The following SIKE1 variants were observed in gnomAD, a reference collection of about 807,000 sequenced individuals.
The protein encoded by SIKE1 is suppressor of IKBKE 1.
In SIKE1, 13 loss-of-function variants were observed where a neutral mutation model predicts 25.8. That is an observed-to-expected ratio of 0.50 (90% CI 0.33 to 0.80). The LOEUF (loss-of-function observed/expected upper bound fraction) is 0.80, where lower values mean the gene tolerates loss of function less well. Ranked by LOEUF, SIKE1 falls within the 30% of genes least tolerant of loss-of-function variation. The pLI, the probability that SIKE1 is intolerant of heterozygous loss-of-function variation, is 0.02. For synonymous variants in SIKE1, 86 were observed against 95.5 expected (o/e 0.90, Z 0.58); for missense variants, 222 against 252.4 (o/e 0.88, Z 0.82).
In SIKE1 at chr1:114,776,349, T is replaced by C. The variant is rs763349867; in HGVS notation, c.519A>G (p.Leu173=). ...FCKIQEKLAQ[L]ELENKELREL... ...CCTAAATTAGCTACAATCTTACCTCTAATTGGGCTAATTTTTCCTGAATCT... is the reference window on the plus strand; with the variant it reads ...CCTAAATTAGCTACAATCTTACCTCCAATTGGGCTAATTTTTCCTGAATCT... Residue 173 remains leucine (L), a synonymous_variant, in exon 4 of 5, where the codon TTA becomes TTG. Transcript: ENST00000060969. 1 of 1,595,214 alleles carries C rather than the reference T, an allele frequency of 6.3e-7. No individual in the cohort carries two copies. Among genetic ancestry groups the C allele is most frequent in the Non-Finnish European group, 8.6e-7 (1 of 1,162,956 alleles).
Position 114,779,235 on chromosome 1 carries a change from CATG to C in SIKE1, c.312_314del (p.Ile104del). ...GTAACATCTGTTTCCGATATTTGCT[CATG>C]ATAAGTTCCAAAGCATCCTGGTGTT... On this transcript the variant is annotated inframe_deletion, in exon 3 of 5. Transcript: ENST00000060969. 4 of 1,614,208 alleles carry C rather than the reference CATG, an allele frequency of 2.5e-6. No homozygotes were observed. The highest frequency in any genetic ancestry group is 3.4e-6 in the Non-Finnish European group (4 of 1,180,040).
rs1662079211 is a variant in SIKE1, at chr1:114,771,859, G to A, written c.*2412C>T. 1 of 152,038 alleles carries A rather than the reference G, an allele frequency of 6.6e-6. No homozygotes were observed. The highest frequency in any genetic ancestry group is 6.6e-5 in the Admixed American group (1 of 15,258). 9.4% of individuals were successfully genotyped at this position (152,038 alleles called of 1,614,324 possible). A position where few individuals can be genotyped will look rare whatever the true frequency, so the allele number is the denominator to read the frequency against. ...AGAGTGCTAACTATTACACAATGGG[G>A]CCTAGACTAGATATTTTAAAATCAG... On this transcript the variant is annotated 3_prime_UTR_variant, in exon 5 of 5. Transcript: ENST00000060969.
In SIKE1 at chr1:114,770,867, C is replaced by T. The variant is rs1391377154; in HGVS notation, c.*3404G>A. ...AATTGCTTTCTCAATATTCTTTCTT[C>T]TTGCTAATACTGATTTTATTTGGGA... On this transcript the variant is annotated 3_prime_UTR_variant, in exon 5 of 5. Coordinates refer to ENST00000060969, the MANE Select transcript of SIKE1 (RefSeq NM_025073.3). The T allele has an allele frequency of 6.6e-6, 1 of 152,262 alleles. No homozygotes were observed. The highest frequency in any genetic ancestry group is 1.5e-5 in the Non-Finnish European group (1 of 68,046). 9.4% of individuals were successfully genotyped at this position (152,262 alleles called of 1,614,324 possible). A position where few individuals can be genotyped will look rare whatever the true frequency, so the allele number is the denominator to read the frequency against.
In SIKE1 at chr1:114,772,497, T is replaced by G. The variant is rs1438405083; in HGVS notation, c.*1774A>C. 2 of 152,212 alleles carry G rather than the reference T, an allele frequency of 1.3e-5. No homozygotes were observed. Among genetic ancestry groups the G allele is most frequent in the East Asian group, 3.9e-4 (2 of 5,194 alleles). The allele number at this position is 152,212 out of a possible 1,614,324, so 9.4% of individuals were successfully genotyped here. A position where few individuals can be genotyped will look rare whatever the true frequency, so the allele number is the denominator to read the frequency against. ...CAGGGGGAAAAGTTAGTATGTCGAT[T>G]TATCCTAACACTTGAGATATAAAGA... On this transcript the variant is annotated 3_prime_UTR_variant, in exon 5 of 5. Coordinates refer to ENST00000060969, the MANE Select transcript of SIKE1 (RefSeq NM_025073.3).
chr1:114,775,224 A>C (rs1473022911), intron 4 of SIKE1, among the ~76,000 whole-genome samples: 2 of 152,170 alleles, frequency 1.3e-5, no homozygotes, highest in African/African-American at 4.8e-5. Flanking sequence ...GGTAAACCAA[A>C]GCATTTTTAG....
rs1662071688 is a variant in SIKE1 at position 114,771,615 on chromosome 1, C to T, written c.*2656G>A. The T allele has an allele frequency of 6.6e-6, 1 of 152,172 alleles. No individual in the cohort carries two copies. The highest frequency in any genetic ancestry group is 1.5e-5 in the Non-Finnish European group (1 of 68,018). The allele number at this position is 152,172 out of a possible 1,614,324, so 9.4% of individuals were successfully genotyped here. ...TACCATACATACTTTGCTTTTGTGG[C>T]ACCAAAGTTTTCTATTTCCCTCCTA... On this transcript the variant is annotated 3_prime_UTR_variant, in exon 5 of 5. Transcript: ENST00000060969.
Position 114,780,657 on chromosome 1 carries a change from C to G in SIKE1, c.-50G>C. 1 of 1,487,756 alleles carries G rather than the reference C, an allele frequency of 6.7e-7. No individual in the cohort carries two copies. Among genetic ancestry groups the G allele is most frequent in the Non-Finnish European group, 9.1e-7 (1 of 1,096,422 alleles). 92.2% of individuals were successfully genotyped at this position (1,487,756 alleles called of 1,614,324 possible). On this transcript the variant is annotated 5_prime_UTR_variant, in exon 1 of 5. Transcript: ENST00000060969. ...GCCGGGCTCAGCTACGCGACTCGCT[C>G]AGATCTTCTGGGAGTCTGTCTCAGC...
At chr1:114,775,921 A>G (rs1234178642) in intron 4 of SIKE1, among the ~76,000 whole-genome samples, 1 of 152,216 alleles carries the variant, frequency 6.6e-6, no homozygotes, top group Admixed American at 6.5e-5. Flanking sequence ...TTGGCTTTGT[A>G]CCCCAAATGC....
At chr1:114,776,676 A>G (rs1055224198) in intron 3 of SIKE1, among the ~76,000 whole-genome samples, 2 of 151,756 alleles carry the variant, frequency 1.3e-5, no homozygotes, top group Non-Finnish European at 2.9e-5. Context: ...CAAAAAATCA[A>G]TTGTGGAAGA....
At chr1:114,774,690 T>G (rs2101127927) in intron 4 of SIKE1, among the ~76,000 whole-genome samples, 1 of 152,326 alleles carries the variant, frequency 6.6e-6, no homozygotes, top group Non-Finnish European at 1.5e-5. Flanking sequence ...TATATTCTTC[T>G]TGGTTCCCAC....
At chr1:114,778,270 T>C (rs974101333) in intron 3 of SIKE1, among the ~76,000 whole-genome samples, 1 of 152,198 alleles carries the variant, frequency 6.6e-6, no homozygotes, top group Admixed American at 6.5e-5. Flanking sequence ...GAACAATTAC[T>C]GAGTCTCCCA....
intron 3 of SIKE1, among the ~76,000 whole-genome samples, chr1:114,777,958 G>A (rs1662292298): frequency 6.6e-6 from 1 of 152,066 alleles, no homozygotes; most frequent in Non-Finnish European, 1.5e-5. Context: ...TTCCATCTTT[G>A]GACATATCAC....
In SIKE1 at chr1:114,772,485, T is replaced by C. The variant is rs1021209828; in HGVS notation, c.*1786A>G. On this transcript the variant is annotated 3_prime_UTR_variant, in exon 5 of 5. Transcript: ENST00000060969. ...CTTTTAATTTTGCAGGGGGAAAAGT[T>C]AGTATGTCGATTTATCCTAACACTT... is the stretch of plus-strand genomic sequence containing the variant. 2.6e-5 allele frequency: 4 copies of C among 152,184 alleles called. No homozygotes were observed. Among genetic ancestry groups the C allele is most frequent in the African/African-American group, 7.2e-5 (3 of 41,456 alleles). The allele number at this position is 152,184 out of a possible 1,614,324, so 9.4% of individuals were successfully genotyped here.
intron 4 of SIKE1, 47 bp from the exon 5 acceptor site, chr1:114,774,419 C>A (rs771704538): frequency 7.7e-7 from 1 of 1,291,018 alleles, no homozygotes; most frequent in East Asian, 2.5e-5. Flanking sequence ...TACTGTCCAA[C>A]TGCATTACAA....
chr1:114,770,186 G>C lies in SIKE1; in HGVS notation c.*4085C>G, dbSNP rs1292931567. 1 of 152,292 alleles carries C rather than the reference G, an allele frequency of 6.6e-6. No homozygotes were observed. Among genetic ancestry groups the C allele is most frequent in the Non-Finnish European group, 1.5e-5 (1 of 68,132 alleles). 9.4% of individuals were successfully genotyped at this position (152,292 alleles called of 1,614,324 possible). A position where few individuals can be genotyped will look rare whatever the true frequency, so the allele number is the denominator to read the frequency against. On this transcript the variant is annotated 3_prime_UTR_variant, in exon 5 of 5. Transcript: ENST00000060969. ...GGCCAAGGCGGGCGGATCACCTGAAGTCATAAGTTCGAGACCAGCCTGGCC... is the reference window on the plus strand; with the variant it reads ...GGCCAAGGCGGGCGGATCACCTGAACTCATAAGTTCGAGACCAGCCTGGCC...
Position 114,772,626 on chromosome 1 carries a change from G to C in SIKE1, c.*1645C>G, listed in dbSNP as rs569134439. The C allele has an allele frequency of 6.6e-6, 1 of 152,176 alleles. No individual in the cohort carries two copies. The highest frequency in any genetic ancestry group is 2.4e-5 in the African/African-American group (1 of 41,448). 9.4% of individuals were successfully genotyped at this position (152,176 alleles called of 1,614,324 possible). A position where few individuals can be genotyped will look rare whatever the true frequency, so the allele number is the denominator to read the frequency against. On this transcript the variant is annotated 3_prime_UTR_variant, in exon 5 of 5. Transcript: ENST00000060969. ...TTTCACTGAAATCTGGCCATGGTAG[G>C]TTTGGCCGTGGCTGCCAAATGGTAT...
intron 3 of SIKE1, among the ~76,000 whole-genome samples, chr1:114,776,940 T>G (rs963316450): frequency 2.0e-5 from 3 of 152,250 alleles, no homozygotes; most frequent in African/African-American, 7.2e-5. Context: ...GATGAGTTCA[T>G]GTCCTTTGTA....
At chr1:114,776,601 A>T (rs1484517618) in intron 3 of SIKE1, 142 bp from the exon 4 acceptor site, 1 of 642,936 alleles carries the variant, frequency 1.6e-6, no homozygotes, top group African/African-American at 1.9e-5. Flanking sequence ...CTACAATTTT[A>T]GTCCTCAGAC....
intron 2 of SIKE1, among the ~76,000 whole-genome samples, chr1:114,779,672 T>G (rs1459938348): frequency 6.6e-6 from 1 of 152,234 alleles, no homozygotes; most frequent in Non-Finnish European, 1.5e-5. Context: ...AAACAACTAT[T>G]AATACCACAA....
Sources: allele counts gnomAD v4.1 joint callset (sites outside exome capture counted in the v4.1 genomes callset), GRCh38; gene constraint gnomAD v4.1.1; transcripts MANE v1.5; gene names NCBI Gene and HGNC (gene_info 2026-07-23, HGNC 2026-07-21).